Variants in PGAP4 observed in about 807,000 individuals in gnomAD.
PGAP4 encodes GPI-N-acetylgalactosamine transferase PGAP4.
In PGAP4, 12 loss-of-function variants were observed where a neutral mutation model predicts 28.2. The observed-to-expected ratio is 0.42, with a 90% CI of 0.27 to 0.69. The LOEUF (loss-of-function observed/expected upper bound fraction) is 0.69. Among genes scored for constraint, PGAP4 ranks in the 30% least tolerant of loss-of-function variants. PGAP4 has a pLI of 0.22. For missense variants in PGAP4, 425 were observed against 513.5 expected, an observed-to-expected ratio of 0.83 and a Z score of 1.67; for synonymous variants, 205 against 211.8, an observed-to-expected ratio of 0.97 and a Z score of 0.28.
intron 2 of PGAP4, among the ~76,000 whole-genome samples, chr9:101,515,884 CTAGT>C (rs1327961140): frequency 6.6e-6 from 1 of 151,862 alleles, no homozygotes; most frequent in African/African-American, 2.4e-5. Flanking sequence ...AGTAGGGTGA[CTAGT>C]TAATGATAGT....
At chr9:101,496,382 G>A (rs1273170771) in intron 2 of PGAP4, among the ~76,000 whole-genome samples, 6 of 151,574 alleles carry the variant, frequency 4.0e-5, no homozygotes, top group Middle Eastern at 3.4e-3. Context: ...CTTTTGAGAT[G>A]TAAATCTGAG....
chr9:101,516,655 A>G (rs960570418), intron 2 of PGAP4, among the ~76,000 whole-genome samples: 1 of 152,196 alleles, frequency 6.6e-6, no homozygotes, highest in South Asian at 2.1e-4. Flanking sequence ...AACATGGTTC[A>G]TACTGTACCA....
intron 2 of PGAP4, among the ~76,000 whole-genome samples, chr9:101,525,428 C>T (rs1428362068): frequency 7.3e-5 from 11 of 151,420 alleles, no homozygotes; most frequent in Admixed American, 6.6e-4. Flanking sequence ...TAAATGTTGG[C>T]GGGCGCAGTG....
At chr9:101,518,017 C>A (rs902830754) in intron 2 of PGAP4, among the ~76,000 whole-genome samples, 2 of 152,034 alleles carry the variant, frequency 1.3e-5, no homozygotes, top group African/African-American at 4.8e-5. Flanking sequence ...AATAGGTCAC[C>A]CCTCAGACCT....
At chr9:101,519,833 C>T (rs1239475548) in intron 2 of PGAP4, among the ~76,000 whole-genome samples, 3 of 151,986 alleles carry the variant, frequency 2.0e-5, no homozygotes, top group African/African-American at 4.8e-5. Flanking sequence ...ATGTTATCTT[C>T]TAGAATTTTT....
At chr9:101,513,250 A>C (rs1378643886) in intron 2 of PGAP4, among the ~76,000 whole-genome samples, 1 of 152,094 alleles carries the variant, frequency 6.6e-6, no homozygotes, top group Admixed American at 6.6e-5. Context: ...CATAAACCTA[A>C]AGGTGAGAGG....
intron 2 of PGAP4, among the ~76,000 whole-genome samples, chr9:101,501,013 T>G (rs1826793249): frequency 6.6e-6 from 1 of 152,132 alleles, no homozygotes; most frequent in Non-Finnish European, 1.5e-5. Flanking sequence ...GCTATACACC[T>G]GTGGAATTAT....
intron 2 of PGAP4, among the ~76,000 whole-genome samples, chr9:101,514,866 G>C (rs1448677053): frequency 2.0e-5 from 3 of 152,052 alleles, no homozygotes; most frequent in African/African-American, 7.2e-5. Context: ...ATACTGATGT[G>C]GTATGTATAT....
Position 101,519,663 on chromosome 9 carries a change from A to G in PGAP4, c.-165+11685T>C, listed in dbSNP as rs948118593. Reference sequence around the variant, plus strand: ...TATGTATATATATACATACATATATATATACACACATACATATATATACAC... The same window carrying G: ...TATGTATATATATACATACATATATGTATACACACATACATATATATACAC... On this transcript the variant is annotated intron_variant, in intron 2 of 3. Coordinates refer to the PGAP4 transcript ENST00000374851. Among the ~76,000 whole-genome samples the G allele has an allele frequency of 3.3e-5, 5 of 150,640 alleles. No individual in the cohort carries two copies. The South Asian group carries it at 8.3e-4, about 25-fold the overall frequency.
chr9:101,477,042 T>A lies in PGAP4; in HGVS notation c.51A>T (p.Arg17=), dbSNP rs1247397151. ...GGACAGCAGTGCTGCCCCAGGAGAG[T>A]CGCCGCAGCCTCCGGAGGAGCATGG... The part of the protein sequence containing the change: ...PAAMLLRRLR[R]LSWGSTAVQL... The change falls in exon 2 of 2, where the codon CGA becomes CGT. Residue 17 remains arginine, a synonymous_variant. Transcript: ENST00000374848. 4 of 1,609,524 alleles carry A rather than the reference T, an allele frequency of 2.5e-6. No homozygotes were observed. Among genetic ancestry groups the A allele is most frequent in the Non-Finnish European group, 3.4e-6 (4 of 1,178,576 alleles).
intron 2 of PGAP4, among the ~76,000 whole-genome samples, chr9:101,525,783 A>G (rs1361908836): frequency 6.6e-6 from 1 of 152,098 alleles, no homozygotes; most frequent in Non-Finnish European, 1.5e-5. Context: ...TATCCCATTC[A>G]ACAACATATT....
intron 2 of PGAP4, among the ~76,000 whole-genome samples, chr9:101,505,966 A>G (rs763742384): frequency 3.3e-5 from 5 of 152,142 alleles, no homozygotes; most frequent in Non-Finnish European, 7.4e-5. Context: ...AATTTCAGCA[A>G]CTCCATAGCA....
rs545627332 is a variant in PGAP4, at chr9:101,486,873, T to G, written c.-78+76A>C. On this transcript the variant is annotated intron_variant, in intron 1 of 1. Transcript: ENST00000374848. This position sits in a 1 kb window ranked among gnomAD's most constrained non-coding sequence, Gnocchi z 4.7. ...CAGCTGTGGCCACCCCTAATCCTTG[T>G]CCCCTCGCTCTAGTGTCCAGGGCTC... The G allele has an allele frequency of 5.2e-5, 8 of 152,838 alleles. No homozygotes were observed. Among genetic ancestry groups the G allele is most frequent in the Admixed American group, 2.0e-4 (3 of 15,312 alleles). The allele number at this position is 152,838 out of a possible 1,614,324, so 9.5% of individuals were successfully genotyped here. A position where few individuals can be genotyped will look rare whatever the true frequency, so the allele number is the denominator to read the frequency against.
In PGAP4 at chr9:101,473,750, A is replaced by G. The variant is rs1826219839; in HGVS notation, c.*2131T>C. ...GCTAGCTTAAAGGGGCTCTACTGTC[A>G]TTGGTCAAAAAACTTTCATGAGGAG... On this transcript the variant is annotated 3_prime_UTR_variant, in exon 2 of 2. Coordinates refer to ENST00000374848, the MANE Select transcript of PGAP4 (RefSeq NM_032342.3). 6.6e-6 allele frequency: 1 copy of G among 152,282 alleles called. No individual in the cohort carries two copies. 9.4% of individuals were successfully genotyped at this position (152,282 alleles called of 1,614,324 possible).
chr9:101,490,871 T>C (rs1255108612), upstream of PGAP4, among the ~76,000 whole-genome samples: 1 of 152,170 alleles, frequency 6.6e-6, no homozygotes, highest in South Asian at 2.1e-4. Context: ...GAGAAGAATA[T>C]ATCTTTGCTT....
At chr9:101,495,565 C>A (rs1426110498) in intron 2 of PGAP4, among the ~76,000 whole-genome samples, 1 of 145,816 alleles carries the variant, frequency 6.9e-6, no homozygotes. Context: ...CCTAGGGAAA[C>A]CTACCAAAGA....
intron 1 of PGAP4, among the ~76,000 whole-genome samples, chr9:101,482,063 C>T (rs1437610542): frequency 2.0e-5 from 3 of 152,182 alleles, no homozygotes; most frequent in African/African-American, 4.8e-5. Flanking sequence ...AGGTCCAATT[C>T]TCGTCCCAAC....
chr9:101,481,203 C>A lies in PGAP4; in HGVS notation c.-77-4034G>T, dbSNP rs377294795. Among the ~76,000 whole-genome samples the A allele has an allele frequency of 6.5e-3, 982 of 152,036 alleles. 8 individuals carry two copies. The highest frequency in any genetic ancestry group is 0.017 in the Middle Eastern group (5 of 294). On this transcript the variant is annotated intron_variant, in intron 1 of 1. Coordinates refer to ENST00000374848, the MANE Select transcript of PGAP4 (RefSeq NM_032342.3). ...AAACAAAAACAAACAAACACACAAA[C>A]AAAAAAAGATAAAAGATAAATGGCC...
intron 2 of PGAP4, among the ~76,000 whole-genome samples, chr9:101,507,980 T>C (rs1826861993): frequency 6.6e-6 from 1 of 152,120 alleles, no homozygotes; most frequent in South Asian, 2.1e-4. Context: ...TAATCCTCAT[T>C]TGAAATGCTA....
Sources: gnomAD v4.1 joint callset for allele counts (sites outside exome capture counted in the v4.1 genomes callset) on GRCh38, gnomAD v4.1.1 for gene constraint, Gnocchi (gnomAD v3.1) non-coding constraint, MANE v1.5 for transcripts, NCBI Gene and HGNC (gene_info 2026-07-23, HGNC 2026-07-21) for gene names.